The following DCTN1 variants were observed in gnomAD, a reference collection of about 807,000 sequenced individuals.
The protein encoded by DCTN1 is 150 kDa dynein-associated polypeptide.
DCTN1 carries 61 observed loss-of-function variants against 161.2 expected under a neutral mutation model. The observed-to-expected ratio is 0.38, with a 90% CI of 0.31 to 0.47. DCTN1 has a LOEUF of 0.47. Ranked by LOEUF, DCTN1 falls within the 20% of genes least tolerant of loss-of-function variation. The probability of loss-of-function intolerance (pLI) is 0.99; values close to 1 mark genes in which losing one functional copy is unlikely to be tolerated. For missense variants in DCTN1, 1,404 were observed against 1,623.7 expected (o/e 0.86, Z 2.33); for synonymous variants, 653 against 632.4 (o/e 1.03, Z -0.49).
At chr2:74,380,786 T>C (rs141813261), upstream of DCTN1, among the ~76,000 whole-genome samples, 898 of 152,226 alleles carry the variant, frequency 5.9e-3, 11 homozygotes, top group South Asian at 0.014. Flanking sequence ...TTCACACACA[T>C]AGCAAAGCAA....
intron 5 of DCTN1, 81 bp downstream of exon 5, chr2:74,376,661 A>T (rs1675243029): frequency 7.4e-7 from 1 of 1,355,542 alleles, no homozygotes; most frequent in African/African-American, 1.4e-5. Context: ...ACATGCATGC[A>T]GCAGCCCAGG....
In DCTN1 at chr2:74,362,983, C is replaced by G. The variant is rs772782095; in HGVS notation, c.3529+11G>C. 45 of 1,609,758 alleles carry G rather than the reference C, an allele frequency of 2.8e-5. No homozygotes were observed. In the Middle Eastern group the frequency reaches 5.3e-4, roughly 19 times the overall value. On this transcript the variant is annotated intron_variant, in intron 29 of 31. Transcript: ENST00000628224. The stretch of plus-strand genomic sequence containing the variant: ...CAGTTTTATTCATCTTGGGGGTTGG[C>G]AGGTACATACCAGGGCTGGTGCGAG...
chr2:74,367,146 G>A (rs995035243), intron 19 of DCTN1, 39 bp from the exon 20 acceptor site: 3 of 1,612,522 alleles, frequency 1.9e-6, no homozygotes, highest in Non-Finnish European at 2.5e-6. Flanking sequence ...GCCCCCAGCA[G>A]GAGCCCTTCT....
rs757854575 is a variant in DCTN1, at chr2:74,362,155, G to C, written c.3610-14C>G. The C allele has an allele frequency of 1.9e-6, 3 of 1,612,478 alleles. No individual in the cohort carries two copies. Among genetic ancestry groups the C allele is most frequent in the Admixed American group, 3.3e-5 (2 of 59,984 alleles). The stretch of plus-strand genomic sequence containing the variant: ...GAGGACCTCATCCTAGGGAAGGGGA[G>C]AGGAAGACAAGGGTTCATTTATGGG... On this transcript the variant is annotated splice_polypyrimidine_tract_variant and intron_variant, in intron 30 of 31. Transcript: ENST00000628224.
chr2:74,363,411 C>T lies in DCTN1; in HGVS notation c.3228G>A (p.Gln1076=), dbSNP rs202237523. 1.3e-4 allele frequency: 211 copies of T among 1,612,500 alleles called. No homozygotes were observed. Among genetic ancestry groups the T allele is most frequent in the Non-Finnish European group, 1.7e-4 (198 of 1,179,766 alleles). ...CTGGGCCTGGCACAGACCCTGGAGC[C>T]TGCCCAGGGATGGCTCCTGTGGGGA... ...EEQQRGAIPG[Q]APGSVPGPGL... is the part of the protein sequence containing the mutation. The change falls in exon 28 of 32, where the codon CAG becomes CAA. Residue 1076 remains glutamine, a synonymous_variant. Transcript: ENST00000628224.
intron 6 of DCTN1, chr2:74,373,426 A>C (rs6718621): frequency 0.11 from 25,545 of 222,674 alleles, 3,555 homozygotes; most frequent in East Asian, 0.36. Context: ...ACCCCATGTG[A>C]CGAGCGTAAT....
In DCTN1 at chr2:74,366,705, C is replaced by T. The variant is rs770906302; in HGVS notation, c.2466+78G>A. 66 of 1,614,052 alleles carry T rather than the reference C, an allele frequency of 4.1e-5. 1 individual carries two copies. The South Asian group carries it at 7.2e-4, about 18-fold the overall frequency. ...CCCCAAAACCATTTTTGTCCCCTAA[C>T]CAGATCCAGATCTTCAAGTGCTATA... is the stretch of plus-strand genomic sequence containing the variant. On this transcript the variant is annotated intron_variant, in intron 21 of 31. Coordinates refer to ENST00000628224, the MANE Select transcript of DCTN1 (RefSeq NM_004082.5).
At position 74,368,205 on chromosome 2, in the gene DCTN1, C is replaced by T. The variant is rs1010197495; in HGVS notation, c.1855-74G>A. 3 of 1,536,936 alleles carry T rather than the reference C, an allele frequency of 2.0e-6. No homozygotes were observed. The African/African-American group carries it at 4.1e-5, about 21-fold the overall frequency. On this transcript the variant is annotated intron_variant, in intron 16 of 31. Coordinates refer to ENST00000628224, the MANE Select transcript of DCTN1 (RefSeq NM_004082.5). ...AACAGAGACTCAGGAATATAGTACT[C>T]AGAGCTTAACTATGTGGGGAGCATG... is the stretch of plus-strand genomic sequence containing the variant.
At chr2:74,378,369 C>A in intron 1 of DCTN1, 124 bp from the exon 2 acceptor site, 1 of 1,286,490 alleles carries the variant, frequency 7.8e-7, no homozygotes. Flanking sequence ...TTCTTAAACC[C>A]CATTTACAGA....
At chr2:74,368,515 T>G in intron 16 of DCTN1, 1 of 719,070 alleles carries the variant, frequency 1.4e-6, no homozygotes, top group Admixed American at 2.3e-5. Context: ...CACCTCTAAA[T>G]CAAATCTCTA....
upstream of DCTN1, among the ~76,000 whole-genome samples, chr2:74,382,593 T>TAAA (rs1573184632): frequency 1.3e-5 from 1 of 78,984 alleles, no homozygotes; most frequent in African/African-American, 5.9e-5. Flanking sequence ...AGACTGAGAC[T>TAAA]CAAAAAAAAA....
intron 16 of DCTN1, 98 bp from the exon 17 acceptor site, chr2:74,368,229 T>A: frequency 2.7e-6 from 4 of 1,460,494 alleles, no homozygotes; most frequent in Non-Finnish European, 2.8e-6. Flanking sequence ...GTGGGGAGCA[T>A]GGACACACAT....
At chr2:74,391,668 A>C (rs13431994) in intron 1 of DCTN1, 1 of 378,408 alleles carries the variant, frequency 2.6e-6, no homozygotes, top group African/African-American at 2.1e-5. Flanking sequence ...CCGGACCCCG[A>C]CAAGCGCCCA....
Position 74,363,045 on chromosome 2 carries a change from T to G in DCTN1, c.3478A>C (p.Asn1160His), listed in dbSNP as rs747831061. The G allele has an allele frequency of 1.2e-6, 2 of 1,613,948 alleles. No individual in the cohort carries two copies. Among genetic ancestry groups the G allele is most frequent in the East Asian group, 4.5e-5 (2 of 44,890 alleles). ...RKTSQLLETLNQLSTHTHVVD... is the reference protein window; with the variant it reads ...RKTSQLLETLHQLSTHTHVVD... Reference sequence around the variant, plus strand: ...ACGTGCGTGTGTGTGCTCAATTGATTCAATGTCTCCAGCAGCTGGCTGGTC... The same window carrying G: ...ACGTGCGTGTGTGTGCTCAATTGATGCAATGTCTCCAGCAGCTGGCTGGTC... Residue 1160 changes from asparagine (N) to histidine (H), a missense_variant, in exon 29 of 32, where the codon AAT becomes CAT. Around this residue, in one of 9 missense-constraint regions of DCTN1, gnomAD observed 311 missense variants for 298.9 expected, o/e 1.04. Transcript: ENST00000628224.
intron 24 of DCTN1, 95 bp downstream of exon 24, chr2:74,365,798 C>T: frequency 1.2e-6 from 2 of 1,612,730 alleles, no homozygotes; most frequent in African/African-American, 1.3e-5. Context: ...CCCCTTAACT[C>T]CCAAGCCGTC....
intron 19 of DCTN1, 41 bp from the exon 20 acceptor site, chr2:74,367,148 A>G (rs768991051): frequency 1.2e-6 from 2 of 1,611,882 alleles, no homozygotes; most frequent in South Asian, 1.1e-5. Flanking sequence ...CCCCAGCAGG[A>G]GCCCTTCTGC....
chr2:74,390,591 C>T, intron 1 of DCTN1: 1 of 465,972 alleles, frequency 2.1e-6, no homozygotes, highest in Admixed American at 2.4e-5. Context: ...ACCTTATAGG[C>T]CTGGACAGAT....
chr2:74,365,982 C>A lies in DCTN1; in HGVS notation c.2797G>T (p.Ala933Ser). The change falls in exon 24 of 32, where the codon GCA (alanine) becomes TCA (serine). Residue 933 changes from alanine (A) to serine (S), a missense_variant. Around this residue, in one of 9 missense-constraint regions of DCTN1, gnomAD observed 475 missense variants for 489.8 expected, o/e 0.97. Coordinates refer to ENST00000628224, the MANE Select transcript of DCTN1 (RefSeq NM_004082.5). ...PVELRAAALR[A>S]EITDAEGLGL... ...AGGCCTTCAGCATCTGTGATCTCTG[C>A]ACGAAGGGCAGCAGCCCGCAGTTCA... 1 of 1,614,240 alleles carries A rather than the reference C, an allele frequency of 6.2e-7. No individual in the cohort carries two copies. Among genetic ancestry groups the A allele is most frequent in the Non-Finnish European group, 8.5e-7 (1 of 1,180,050 alleles).
In DCTN1 at chr2:74,361,311, G is replaced by A. The variant is rs1310463908; in HGVS notation, c.*188C>T. 4 of 813,898 alleles carry A rather than the reference G, an allele frequency of 4.9e-6. No homozygotes were observed. Among genetic ancestry groups the A allele is most frequent in the Non-Finnish European group, 8.2e-6 (4 of 490,180 alleles). The allele number at this position is 813,898 out of a possible 1,614,324, so 50.4% of individuals were successfully genotyped here. A position where few individuals can be genotyped will look rare whatever the true frequency, so the allele number is the denominator to read the frequency against. On this transcript the variant is annotated 3_prime_UTR_variant, in exon 32 of 32. Coordinates refer to ENST00000628224, the MANE Select transcript of DCTN1 (RefSeq NM_004082.5). The stretch of plus-strand genomic sequence containing the variant: ...AACAACAAATTATGGCAGAGGCCAG[G>A]GAATGGGAGTGGGGGAACCCGGGTC...
Sources: allele counts gnomAD v4.1 joint callset (sites outside exome capture counted in the v4.1 genomes callset), GRCh38; gene constraint gnomAD v4.1.1; regional missense constraint gnomAD v4.1.1; transcripts MANE v1.5; gene names NCBI Gene and HGNC (gene_info 2026-07-23, HGNC 2026-07-21).